ME3: variants seen among roughly 807,000 people sequenced by gnomAD.
ME3 encodes the protein malic enzyme 3.
In ME3, 48 loss-of-function variants were observed where a neutral mutation model predicts 68.9. The ratio of observed to expected loss-of-function variants is 0.70; its 90% CI spans 0.55 to 0.89. ME3 has a LOEUF of 0.89. Among genes scored for constraint, ME3 ranks in the 40% least tolerant of loss-of-function variants. ME3 has a pLI of 0.00. For synonymous variants in ME3, 320 were observed against 318.8 expected, an observed-to-expected ratio of 1.00 and a Z score of -0.04; for missense variants, 675 against 797.4, an observed-to-expected ratio of 0.85 and a Z score of 1.85.
At chr11:86,565,192 CGT>C (rs1322930596) in intron 2 of ME3, among the ~76,000 whole-genome samples, 1 of 151,986 alleles carries the variant, frequency 6.6e-6, no homozygotes, top group Non-Finnish European at 1.5e-5. Context: ...AAAACACACA[CGT>C]ACACATACAC....
intron 7 of ME3, among the ~76,000 whole-genome samples, chr11:86,471,177 A>G (rs7119485): frequency 0.45 from 56,356 of 124,070 alleles, 12,391 homozygotes; most frequent in South Asian, 0.56. Flanking sequence ...TGAGAGACAG[A>G]GTCTTGCTCT....
rs543207119 is a variant in ME3, at chr11:86,508,883, C to T, written c.468-16G>A. ...GAACAGTCCACTAAAAGAAATAAAA[C>T]ACGTACACACAGAGAAACCAGGCAG... On this transcript the variant is annotated splice_polypyrimidine_tract_variant and intron_variant, in intron 4 of 14. Coordinates refer to ENST00000543262, the Ensembl canonical transcript of ME3. 2.5e-6 allele frequency: 4 copies of T among 1,596,108 alleles called. No individual in the cohort carries two copies. The highest frequency in any genetic ancestry group is 1.7e-6 in the Non-Finnish European group (2 of 1,164,330).
At chr11:86,650,007 C>T (rs543383415) in intron 2 of ME3, among the ~76,000 whole-genome samples, 1 of 152,156 alleles carries the variant, frequency 6.6e-6, no homozygotes, top group Admixed American at 6.5e-5. Context: ...CAAGACAATC[C>T]TAAGCAAAAA....
At chr11:86,448,816 T>A (rs1949466965) in intron 10 of ME3, among the ~76,000 whole-genome samples, 1 of 152,218 alleles carries the variant, frequency 6.6e-6, no homozygotes, top group Non-Finnish European at 1.5e-5. Flanking sequence ...GCATAAGTGC[T>A]GGTAAATGGG....
At chr11:86,668,004 A>G (rs1047523537) in intron 2 of ME3, 4 of 152,214 alleles carry the variant, frequency 2.6e-5, no homozygotes, top group Admixed American at 6.5e-5. Context: ...AAAGAAAAAT[A>G]GAAGCTCATG....
chr11:86,649,475 A>G (rs993591177), intron 2 of ME3, among the ~76,000 whole-genome samples: 2 of 152,242 alleles, frequency 1.3e-5, no homozygotes, highest in Non-Finnish European at 2.9e-5. Context: ...GCAATCTGGC[A>G]TGAGAAAGAA....
chr11:86,649,106 G>T (rs778262852), intron 2 of ME3, among the ~76,000 whole-genome samples: 2 of 152,174 alleles, frequency 1.3e-5, no homozygotes, highest in Non-Finnish European at 2.9e-5. Flanking sequence ...ACATTAAAAA[G>T]CTTGTCAGCC....
intron 2 of ME3, among the ~76,000 whole-genome samples, chr11:86,658,399 A>C (rs941133283): frequency 6.6e-6 from 1 of 152,046 alleles, no homozygotes; most frequent in Non-Finnish European, 1.5e-5. Context: ...CTGGGATTAT[A>C]GGTGTGAGCC....
At chr11:86,666,810 G>A (rs1011134777) in intron 2 of ME3, among the ~76,000 whole-genome samples, 4 of 152,178 alleles carry the variant, frequency 2.6e-5, no homozygotes, top group Non-Finnish European at 5.9e-5. Context: ...CTGCCTTCCA[G>A]CATCACCAAT....
intron 3 of ME3, among the ~76,000 whole-genome samples, chr11:86,559,214 G>T (rs116589858): frequency 6.6e-6 from 1 of 152,178 alleles, no homozygotes; most frequent in African/African-American, 2.4e-5. Flanking sequence ...ATGACATCTA[G>T]GTCCATCCTA....
intron 2 of ME3, among the ~76,000 whole-genome samples, chr11:86,598,348 T>A (rs10898505): frequency 2.6e-5 from 4 of 152,130 alleles, no homozygotes; most frequent in Non-Finnish European, 5.9e-5. Context: ...CGCTCATTGC[T>A]AGCACAGCAG....
At chr11:86,664,454 C>T (rs1037704831) in intron 2 of ME3, among the ~76,000 whole-genome samples, 2 of 152,264 alleles carry the variant, frequency 1.3e-5, no homozygotes, top group Middle Eastern at 3.4e-3. Context: ...GAGGATGATT[C>T]AATTATTTAC....
intron 5 of ME3, among the ~76,000 whole-genome samples, chr11:86,501,993 C>A (rs1034370431): frequency 6.6e-6 from 1 of 152,150 alleles, no homozygotes; most frequent in African/African-American, 2.4e-5. Context: ...TCTAATGGTC[C>A]CTGATGTCTG....
chr11:86,452,073 G>A (rs1949661600), intron 8 of ME3, among the ~76,000 whole-genome samples: 1 of 152,166 alleles, frequency 6.6e-6, no homozygotes, highest in Admixed American at 6.5e-5. Context: ...CAAAATGTAT[G>A]GGTCTAGAAA....
intron 11 of ME3, 117 bp from the exon 12 acceptor site, chr11:86,447,324 C>T (rs1949367698): frequency 7.3e-7 from 1 of 1,364,480 alleles, no homozygotes; most frequent in South Asian, 1.4e-5. Context: ...TTGGGCCCAG[C>T]ATCTGCCACA....
chr11:86,444,949 A>G (rs1271929860), intron 13 of ME3, among the ~76,000 whole-genome samples: 1 of 152,186 alleles, frequency 6.6e-6, no homozygotes. Flanking sequence ...TTCCTGTGTA[A>G]TTGATGGACA....
intron 4 of ME3, among the ~76,000 whole-genome samples, chr11:86,525,663 G>A (rs1954681067): frequency 6.6e-6 from 1 of 152,148 alleles, no homozygotes; most frequent in African/African-American, 2.4e-5. Flanking sequence ...AGGAGTTCAA[G>A]ACCAGCCTGA....
intron 2 of ME3, among the ~76,000 whole-genome samples, chr11:86,596,972 A>T (rs1959592462): frequency 6.6e-6 from 1 of 152,216 alleles, no homozygotes; most frequent in African/African-American, 2.4e-5. Context: ...CATAGAGGGA[A>T]GCCTCTGACA....
chr11:86,614,555 G>A (rs1942820444), intron 2 of ME3, among the ~76,000 whole-genome samples: 1 of 152,098 alleles, frequency 6.6e-6, no homozygotes, highest in Non-Finnish European at 1.5e-5. Flanking sequence ...CTCAAAGCAG[G>A]CATAACCTTC....
Sources: gnomAD v4.1 joint callset for allele counts (sites outside exome capture counted in the v4.1 genomes callset) on GRCh38, gnomAD v4.1.1 for gene constraint, MANE v1.5 for transcripts, NCBI Gene and HGNC (gene_info 2026-07-23, HGNC 2026-07-21) for gene names.